The following TMEM132C variants were observed in gnomAD, a reference collection of about 807,000 sequenced individuals.
The protein encoded by TMEM132C is transmembrane protein 132C, also known as protein phosphatase 1, regulatory subunit 152.
Under a neutral mutation model 61.4 loss-of-function variants are expected in TMEM132C, and 29 were observed. The observed-to-expected ratio is 0.47, with a 90% CI of 0.35 to 0.64. The LOEUF (loss-of-function observed/expected upper bound fraction) is 0.64. Among genes scored for constraint, TMEM132C ranks in the 30% least tolerant of loss-of-function variants. The pLI is 0.00. For missense variants in TMEM132C, 1,408 were observed against 1,476.9 expected (o/e 0.95, Z 0.76); for synonymous variants, 656 against 633.1 (o/e 1.04, Z -0.54).
rs139115387 is a variant in TMEM132C, at chr12:128,396,576, A to G, written c.86-18156A>G. ...TCTCAGAACTTAAAGTAAAATAATAATAATAATAATAATAGGTAATGTTTT... is the reference window on the plus strand; with the variant it reads ...TCTCAGAACTTAAAGTAAAATAATAGTAATAATAATAATAGGTAATGTTTT... On this transcript the variant is annotated intron_variant, in intron 1 of 8. Transcript: ENST00000435159. 5.3e-3 allele frequency among the ~76,000 whole-genome samples: 808 copies of G among 152,322 alleles called. 10 individuals are homozygous for G. Among genetic ancestry groups the G allele is most frequent in the African/African-American group, 0.018 (756 of 41,566 alleles).
At chr12:128,480,655 G>GCT (rs1347028196) in intron 2 of TMEM132C, among the ~76,000 whole-genome samples, 8 of 152,140 alleles carry the variant, frequency 5.3e-5, no homozygotes, top group Non-Finnish European at 1.2e-4. Flanking sequence ...CTGAATTTTG[G>GCT]GAATTCCCGA....
intron 2 of TMEM132C, among the ~76,000 whole-genome samples, chr12:128,421,137 CATG>C (rs1375408308): frequency 1.3e-5 from 2 of 152,130 alleles, no homozygotes; most frequent in Non-Finnish European, 2.9e-5. Flanking sequence ...ACTTTTCATC[CATG>C]AACCACCTCT....
intron 2 of TMEM132C, among the ~76,000 whole-genome samples, chr12:128,442,807 A>C (rs1565937796): frequency 6.6e-6 from 1 of 152,204 alleles, no homozygotes; most frequent in African/African-American, 2.4e-5. Context: ...TGCAACTACT[A>C]TCTCTACTAA....
At chr12:128,391,190 G>T (rs189433554) in intron 1 of TMEM132C, among the ~76,000 whole-genome samples, 1 of 152,184 alleles carries the variant, frequency 6.6e-6, no homozygotes, top group Non-Finnish European at 1.5e-5. Context: ...GAACCACTAC[G>T]GTAGGATTGG....
intron 2 of TMEM132C, among the ~76,000 whole-genome samples, chr12:128,512,046 C>G (rs531380747): frequency 1.3e-5 from 2 of 152,302 alleles, no homozygotes; most frequent in Admixed American, 6.5e-5. Context: ...TCGAGCTCCG[C>G]CCCTGTCGGC....
At chr12:128,324,671 G>A (rs1284210772) in intron 1 of TMEM132C, among the ~76,000 whole-genome samples, 1 of 152,072 alleles carries the variant, frequency 6.6e-6, no homozygotes, top group African/African-American at 2.4e-5. Context: ...ACCAGCCAGG[G>A]CAACATGGTG....
intron 1 of TMEM132C, among the ~76,000 whole-genome samples, chr12:128,381,002 A>G (rs1380823180): frequency 6.6e-6 from 1 of 152,186 alleles, no homozygotes; most frequent in Non-Finnish European, 1.5e-5. Flanking sequence ...GCACTTAGGA[A>G]CACTAGACAG....
intron 2 of TMEM132C, among the ~76,000 whole-genome samples, chr12:128,535,755 C>G (rs953083824): frequency 1.3e-5 from 2 of 152,020 alleles, no homozygotes; most frequent in African/African-American, 4.8e-5. Context: ...GTAGTCCCAG[C>G]TACTTGGGAG....
At chr12:128,414,159 G>A (rs1019682299) in intron 1 of TMEM132C, among the ~76,000 whole-genome samples, 2 of 152,020 alleles carry the variant, frequency 1.3e-5, no homozygotes, top group East Asian at 3.9e-4. Context: ...GGCTGGGGTT[G>A]GAAGACTGCT....
At position 128,595,622 on chromosome 12, in the gene TMEM132C, G is replaced by A. The variant is rs115516192; in HGVS notation, c.1122-20530G>A. Among the ~76,000 whole-genome samples, 1,124 of 152,284 alleles carry A rather than the reference G, an allele frequency of 7.4e-3. 12 individuals are homozygous for A. Among genetic ancestry groups the A allele is most frequent in the African/African-American group, 0.024 (1,002 of 41,560 alleles). On this transcript the variant is annotated intron_variant, in intron 3 of 8. Transcript: ENST00000435159. ...TGTAAGAGGCAGCAGGAGGCACGTGGGGGTGAGCCTGACCCAGTGAGACCA... is the reference window on the plus strand; with the variant it reads ...TGTAAGAGGCAGCAGGAGGCACGTGAGGGTGAGCCTGACCCAGTGAGACCA...
intron 1 of TMEM132C, among the ~76,000 whole-genome samples, chr12:128,372,401 A>C (rs992637095): frequency 3.9e-5 from 6 of 152,244 alleles, no homozygotes; most frequent in African/African-American, 1.4e-4. Flanking sequence ...CTAGAGTGAC[A>C]TGGACAGAGA....
chr12:128,321,560 T>C (rs1341361591), intron 1 of TMEM132C, among the ~76,000 whole-genome samples: 1 of 152,148 alleles, frequency 6.6e-6, no homozygotes, highest in Non-Finnish European at 1.5e-5. Context: ...CTCTGTATCC[T>C]TACCTGGTGG....
chr12:128,301,129 GGAGGA>G (rs1159693260), intron 1 of TMEM132C, among the ~76,000 whole-genome samples: 1 of 152,168 alleles, frequency 6.6e-6, no homozygotes, highest in Non-Finnish European at 1.5e-5. Flanking sequence ...AACAATGAAT[GGAGGA>G]GAGGTGTGCT....
At chr12:128,459,663 G>A (rs971228274) in intron 2 of TMEM132C, among the ~76,000 whole-genome samples, 3 of 151,968 alleles carry the variant, frequency 2.0e-5, no homozygotes, top group African/African-American at 4.8e-5. Context: ...AGACCAAGGC[G>A]GGTGGATCAC....
chr12:128,300,299 G>C (rs994554225), intron 1 of TMEM132C, among the ~76,000 whole-genome samples: 1 of 152,148 alleles, frequency 6.6e-6, no homozygotes, highest in African/African-American at 2.4e-5. Context: ...CAGGAAGGTG[G>C]AAGAGCTTAC....
At position 128,616,326 on chromosome 12, in the gene TMEM132C, C is replaced by T. The variant is rs1378357209; in HGVS notation, c.1296C>T (p.Pro432=). 3.2e-6 allele frequency: 5 copies of T among 1,551,470 alleles called. No homozygotes were observed. The highest frequency in any genetic ancestry group is 1.2e-5 in the South Asian group (1 of 83,966). The change falls in exon 4 of 9, where the codon CCC becomes CCT. Residue 432 remains proline (P), a synonymous_variant. Coordinates refer to ENST00000435159, the MANE Select transcript of TMEM132C (RefSeq NM_001136103.3). The part of the protein sequence containing the change: ...VSQKDLVGIV[P]LAMDTEILNT... ...AGAAGGACCTGGTGGGCATCGTTCC[C>T]TTGGCTATGGTGAGTCCTGAGTTAC...
chr12:128,311,309 C>G (rs911620604), intron 1 of TMEM132C, among the ~76,000 whole-genome samples: 3 of 152,204 alleles, frequency 2.0e-5, no homozygotes, highest in African/African-American at 4.8e-5. Context: ...TGCACGCAGC[C>G]TCGCCTCACT....
At chr12:128,457,398 C>T (rs921895327) in intron 2 of TMEM132C, among the ~76,000 whole-genome samples, 1 of 151,464 alleles carries the variant, frequency 6.6e-6, no homozygotes, top group African/African-American at 2.4e-5. Context: ...ACGGTGAAAC[C>T]CCTTCTCTAC....
intron 2 of TMEM132C, among the ~76,000 whole-genome samples, chr12:128,490,777 C>T (rs1314034628): frequency 1.3e-5 from 2 of 152,038 alleles, no homozygotes; most frequent in Non-Finnish European, 2.9e-5. Flanking sequence ...TAGAAAAGTC[C>T]CCAAGTTCTA....
Sources: gnomAD v4.1 joint callset for allele counts (sites outside exome capture counted in the v4.1 genomes callset) on GRCh38, gnomAD v4.1.1 for gene constraint, MANE v1.5 for transcripts, NCBI Gene and HGNC (gene_info 2026-07-23, HGNC 2026-07-21) for gene names.